The following PHLPP1 variants were observed in gnomAD, a reference collection of about 807,000 sequenced individuals.
The protein encoded by PHLPP1 is PH domain leucine-rich repeat-containing protein phosphatase 1.
Under a neutral mutation model 117.2 loss-of-function variants are expected in PHLPP1, and 42 were observed. That is an observed-to-expected ratio of 0.36 (90% CI 0.28 to 0.46). The LOEUF is 0.46. PHLPP1 is among the 20% of genes least tolerant of loss of function. PHLPP1 has a pLI of 1.00. For synonymous variants in PHLPP1, 1,042 were observed against 970.7 expected (o/e 1.07, Z -1.37); for missense variants, 2,084 against 2,241.9 (o/e 0.93, Z 1.42).
intron 4 of PHLPP1, among the ~76,000 whole-genome samples, chr18:62,874,810 G>A (rs1205713753): frequency 1.3e-5 from 2 of 152,142 alleles, no homozygotes; most frequent in Non-Finnish European, 2.9e-5. Context: ...CCACACAGAC[G>A]GAGGAGAATG....
chr18:62,866,752 C>G (rs1300716073), intron 4 of PHLPP1, among the ~76,000 whole-genome samples: 1 of 152,174 alleles, frequency 6.6e-6, no homozygotes, highest in African/African-American at 2.4e-5. Flanking sequence ...CAGGAGGATT[C>G]AGATTCTGTC....
intron 4 of PHLPP1, among the ~76,000 whole-genome samples, chr18:62,878,135 A>T (rs1214692201): frequency 6.6e-6 from 1 of 152,206 alleles, no homozygotes; most frequent in African/African-American, 2.4e-5. Flanking sequence ...TTTAATGCCA[A>T]CACTGTATTT....
At chr18:62,748,090 A>T (rs746761601) in intron 1 of PHLPP1, among the ~76,000 whole-genome samples, 4 of 151,342 alleles carry the variant, frequency 2.6e-5, no homozygotes, top group Non-Finnish European at 5.9e-5. Flanking sequence ...TAAGTATTTC[A>T]TTCATCTTCT....
At chr18:62,770,970 A>G (rs139313065) in intron 1 of PHLPP1, among the ~76,000 whole-genome samples, 48 of 152,168 alleles carry the variant, frequency 3.2e-4, no homozygotes, top group African/African-American at 1.1e-3. Context: ...TGTAATCCCA[A>G]CACTTTGGGA....
At chr18:62,820,575 A>T (rs1023800925) in intron 1 of PHLPP1, among the ~76,000 whole-genome samples, 1 of 152,180 alleles carries the variant, frequency 6.6e-6, no homozygotes, top group Admixed American at 6.5e-5. Context: ...ATGAGACCTG[A>T]TGGTTTTATA....
intron 6 of PHLPP1, among the ~76,000 whole-genome samples, chr18:62,897,907 TC>T (rs1916604986): frequency 6.7e-6 from 1 of 150,362 alleles, no homozygotes; most frequent in African/African-American, 2.4e-5. Flanking sequence ...CAATTTTTTT[TC>T]CCTTTAAATG....
chr18:62,737,525 T>C (rs927735133), intron 1 of PHLPP1, among the ~76,000 whole-genome samples: 2 of 152,152 alleles, frequency 1.3e-5, no homozygotes, highest in African/African-American at 2.4e-5. Context: ...TGTTTTGACT[T>C]TGTGTGTTAA....
At chr18:62,728,292 CA>C (rs11374202) in intron 1 of PHLPP1, among the ~76,000 whole-genome samples, 1,904 of 133,330 alleles carry the variant, frequency 0.014, 25 homozygotes, top group African/African-American at 0.037. Flanking sequence ...GAGACTGACT[CA>C]AAAAAAAAAA....
At chr18:62,896,565 G>T (rs1017442245) in intron 6 of PHLPP1, among the ~76,000 whole-genome samples, 1 of 152,116 alleles carries the variant, frequency 6.6e-6, no homozygotes, top group African/African-American at 2.4e-5. Flanking sequence ...AAAGTGCTGG[G>T]ATTACAGGCA....
chr18:62,896,775 G>GCTC (rs1270462775), intron 6 of PHLPP1, among the ~76,000 whole-genome samples: 1 of 152,062 alleles, frequency 6.6e-6, no homozygotes, highest in Non-Finnish European at 1.5e-5. Flanking sequence ...ATCACCTTTT[G>GCTC]CTCCCCTTTC....
intron 14 of PHLPP1, 29 bp from the exon 15 acceptor site, chr18:62,972,485 C>T (rs752953649): frequency 1.2e-6 from 2 of 1,600,960 alleles, no homozygotes; most frequent in Admixed American, 3.4e-5. Flanking sequence ...GATGAGTGGA[C>T]TCAGCACAGA....
chr18:62,746,340 C>T (rs749518929), intron 1 of PHLPP1, among the ~76,000 whole-genome samples: 17 of 152,184 alleles, frequency 1.1e-4, no homozygotes, highest in Non-Finnish European at 2.5e-4. Flanking sequence ...CCACCACGCC[C>T]GGCCAAAACT....
chr18:62,755,201 C>T (rs1025824218), intron 1 of PHLPP1, among the ~76,000 whole-genome samples: 2 of 151,958 alleles, frequency 1.3e-5, no homozygotes, highest in African/African-American at 4.8e-5. Context: ...TCCTTTCATT[C>T]TGTGCAGATA....
intron 4 of PHLPP1, among the ~76,000 whole-genome samples, chr18:62,868,781 T>C (rs1338569004): frequency 6.6e-6 from 1 of 152,204 alleles, no homozygotes; most frequent in Non-Finnish European, 1.5e-5. Flanking sequence ...AACACATGTC[T>C]GATAAGACAG....
intron 1 of PHLPP1, among the ~76,000 whole-genome samples, chr18:62,736,806 A>G (rs568352812): frequency 6.6e-6 from 1 of 152,186 alleles, no homozygotes; most frequent in Non-Finnish European, 1.5e-5. Flanking sequence ...GTCACTTTCT[A>G]CTGGTTACCA....
intron 4 of PHLPP1, among the ~76,000 whole-genome samples, chr18:62,866,536 C>T (rs12960859): frequency 0.068 from 10,292 of 152,126 alleles, 481 homozygotes; most frequent in Non-Finnish European, 0.1. Context: ...TGAGCCACCA[C>T]GCCTGGCCCA....
Position 62,820,318 on chromosome 18 carries a change from C to T in PHLPP1, c.1577-9717C>T, listed in dbSNP as rs144257426. ...ACAAAATTATTAAAAATATAGAAGA[C>T]TTGACTAGCACTCTTAGCCAACTGG... On this transcript the variant is annotated intron_variant, in intron 1 of 16. Transcript: ENST00000262719. Among the ~76,000 whole-genome samples, 316 of 152,282 alleles carry T rather than the reference C, an allele frequency of 2.1e-3. 3 individuals are homozygous for T. The highest frequency in any genetic ancestry group is 7.2e-3 in the African/African-American group (301 of 41,570).
intron 4 of PHLPP1, among the ~76,000 whole-genome samples, chr18:62,867,236 T>C (rs1336271652): frequency 6.6e-6 from 1 of 152,202 alleles, no homozygotes; most frequent in Non-Finnish European, 1.5e-5. Flanking sequence ...TTTCTCTTTC[T>C]AAATATTATG....
intron 4 of PHLPP1, among the ~76,000 whole-genome samples, chr18:62,882,807 TATTTTATTGGAAA>T (rs1441657151): frequency 2.0e-5 from 3 of 152,128 alleles, no homozygotes; most frequent in Non-Finnish European, 2.9e-5. Context: ...CAAGCTTTTC[TATTTTATTGGAAA>T]AGCATTAAGC....
Sources: allele counts gnomAD v4.1 joint callset (sites outside exome capture counted in the v4.1 genomes callset), GRCh38; gene constraint gnomAD v4.1.1; transcripts MANE v1.5; gene names NCBI Gene and HGNC (gene_info 2026-07-23, HGNC 2026-07-21).